SETD2: variants seen among roughly 807,000 people sequenced by gnomAD.
SETD2 encodes histone-lysine N-methyltransferase SETD2.
Under a neutral mutation model 242.1 loss-of-function variants are expected in SETD2, and 31 were observed. That is an observed-to-expected ratio of 0.13 (90% confidence interval 0.10 to 0.17). The LOEUF is 0.17. Ranked by LOEUF, SETD2 falls within the 10% of genes least tolerant of loss-of-function variation. The pLI, the probability that SETD2 is intolerant of heterozygous loss-of-function variation, is 1.00. For synonymous variants in SETD2, 1,006 were observed against 1,066.5 expected (o/e 0.94, Z 1.11); for missense variants, 2,481 against 3,046.3 (o/e 0.81, Z 4.37).
At chr3:47,147,942 T>C (rs1316278190) in intron 1 of SETD2, among the ~76,000 whole-genome samples, 1 of 144,900 alleles carries the variant, frequency 6.9e-6, no homozygotes, top group African/African-American at 2.6e-5. Context: ...AAAAAAAAGA[T>C]ATTTTCTTTC....
At chr3:47,136,987 C>G (rs764068553) in intron 1 of SETD2, among the ~76,000 whole-genome samples, 7 of 152,082 alleles carry the variant, frequency 4.6e-5, no homozygotes, top group Non-Finnish European at 1.0e-4. Context: ...ACAATGTTCA[C>G]TACTATTTGG....
chr3:47,138,835 G>A (rs2043655800), intron 1 of SETD2, among the ~76,000 whole-genome samples: 1 of 152,120 alleles, frequency 6.6e-6, no homozygotes, highest in Non-Finnish European at 1.5e-5. Flanking sequence ...CAAAGTGCTG[G>A]GATTATCATT....
intron 11 of SETD2, among the ~76,000 whole-genome samples, chr3:47,085,258 G>T (rs2041503572): frequency 6.6e-6 from 1 of 152,116 alleles, no homozygotes; most frequent in Non-Finnish European, 1.5e-5. Flanking sequence ...TCCTAAACCT[G>T]GGTAGCTTTT....
intron 1 of SETD2, among the ~76,000 whole-genome samples, chr3:47,148,878 C>T (rs1337243403): frequency 2.6e-5 from 4 of 152,216 alleles, no homozygotes; most frequent in South Asian, 2.1e-4. Flanking sequence ...GCTTGAGTTT[C>T]ATACGGGATT....
At chr3:47,038,581 C>T (rs371160209) in intron 17 of SETD2, among the ~76,000 whole-genome samples, 1 of 152,110 alleles carries the variant, frequency 6.6e-6, no homozygotes, top group East Asian at 1.9e-4. Flanking sequence ...TGCCATTGCA[C>T]TCCAGCCTGG....
intron 3 of SETD2, among the ~76,000 whole-genome samples, chr3:47,117,221 T>C (rs1298413225): frequency 6.7e-6 from 1 of 148,546 alleles, no homozygotes; most frequent in East Asian, 1.9e-4. Flanking sequence ...CATCTAATTA[T>C]TAGTACTTGT....
At chr3:47,046,831 A>T (rs529863312) in intron 15 of SETD2, 1 of 340,604 alleles carries the variant, frequency 2.9e-6, no homozygotes, top group Non-Finnish European at 5.2e-6. Flanking sequence ...ACTTACTTTG[A>T]TTTTACTTTA....
chr3:47,093,472 C>G (rs1281020538), intron 9 of SETD2, among the ~76,000 whole-genome samples: 1 of 151,880 alleles, frequency 6.6e-6, no homozygotes, highest in Admixed American at 6.6e-5. Context: ...TTAGTAGAGA[C>G]AGGGTTTCAT....
intron 9 of SETD2, among the ~76,000 whole-genome samples, chr3:47,088,855 G>T (rs1045588035): frequency 2.0e-5 from 3 of 152,228 alleles, no homozygotes; most frequent in Non-Finnish European, 2.9e-5. Flanking sequence ...GAGAAATTCT[G>T]CACATGTGTA....
At chr3:47,071,488 T>C (rs574713283) in intron 12 of SETD2, among the ~76,000 whole-genome samples, 21 of 152,330 alleles carry the variant, frequency 1.4e-4, no homozygotes, top group African/African-American at 5.1e-4. Flanking sequence ...CCTACGCTTT[T>C]ATCCCTGGAA....
intron 1 of SETD2, chr3:47,138,352 C>A: frequency 4.7e-6 from 1 of 212,068 alleles, no homozygotes; most frequent in Non-Finnish European, 1.0e-5. Context: ...TCACTGCAAC[C>A]TCCACCTCCT....
intron 12 of SETD2, among the ~76,000 whole-genome samples, chr3:47,070,194 A>G (rs2040760471): frequency 6.6e-6 from 1 of 152,230 alleles, no homozygotes; most frequent in Non-Finnish European, 1.5e-5. Context: ...CTTCTCAAAG[A>G]TAAATTCTTA....
chr3:47,147,240 T>C (rs1398963687), intron 1 of SETD2, among the ~76,000 whole-genome samples: 3 of 151,904 alleles, frequency 2.0e-5, no homozygotes, highest in Non-Finnish European at 4.4e-5. Flanking sequence ...CTCGAATTCC[T>C]GACCTCAGGT....
At chr3:47,087,255 C>A (rs961172784) in intron 10 of SETD2, among the ~76,000 whole-genome samples, 1 of 149,912 alleles carries the variant, frequency 6.7e-6, no homozygotes, top group Non-Finnish European at 1.5e-5. Flanking sequence ...AGACAGAAAG[C>A]AAACCAGGTC....
rs1184312119 is a variant in SETD2, at chr3:47,164,026, C to T, written c.-102G>A. 3 of 1,217,236 alleles carry T rather than the reference C, an allele frequency of 2.5e-6. No homozygotes were observed. Among genetic ancestry groups the T allele is most frequent in the Non-Finnish European group, 3.1e-6 (3 of 972,024 alleles). The allele number at this position is 1,217,236 out of a possible 1,614,324, so 75.4% of individuals were successfully genotyped here. On this transcript the variant is annotated 5_prime_UTR_variant, in exon 1 of 21. Transcript: ENST00000409792. This position sits in a 1 kb window ranked among gnomAD's most constrained non-coding sequence, Gnocchi z 5.4. ...GCAGGTCCGACCGCGGCGGCGGCGG[C>T]GGCGGCGGCGGCGGCGGCAGGGGCG...
intron 5 of SETD2, among the ~76,000 whole-genome samples, chr3:47,113,337 T>C (rs1191881122): frequency 6.6e-6 from 1 of 152,176 alleles, no homozygotes; most frequent in Non-Finnish European, 1.5e-5. Context: ...TCTTTTTATA[T>C]AGCTTCATAG....
In SETD2 at chr3:47,037,622, G is replaced by A. The variant is rs6768722; in HGVS notation, c.7350+44C>T. 0.61 allele frequency: 887,370 copies of A among 1,448,912 alleles called. 274,318 individuals carry two copies. The highest frequency in any genetic ancestry group is 0.76 in the African/African-American group (54,385 of 71,754). 89.8% of individuals were successfully genotyped at this position (1,448,912 alleles called of 1,614,324 possible). ...AAGACCATGCGGGATGGTCTTGGAC[G>A]GACTCCCAAATGATCAGGAAATACA... On this transcript the variant is annotated intron_variant, in intron 18 of 20. Coordinates refer to ENST00000409792, the MANE Select transcript of SETD2 (RefSeq NM_014159.7).
intron 17 of SETD2, 139 bp downstream of exon 17, chr3:47,042,422 G>A (rs2039324023): frequency 1.3e-6 from 1 of 743,308 alleles, no homozygotes; most frequent in Non-Finnish European, 2.3e-6. Flanking sequence ...CTTAAGATGT[G>A]ATTCTGGAAA....
intron 18 of SETD2, among the ~76,000 whole-genome samples, chr3:47,020,672 G>A (rs144967879): frequency 3.3e-5 from 5 of 152,236 alleles, no homozygotes; most frequent in African/African-American, 7.2e-5. Context: ...GCTTTTCCAC[G>A]GAAAATAATA....
Sources: gnomAD v4.1 joint callset for allele counts (sites outside exome capture counted in the v4.1 genomes callset) on GRCh38, gnomAD v4.1.1 for gene constraint, Gnocchi (gnomAD v3.1) non-coding constraint, MANE v1.5 for transcripts, NCBI Gene and HGNC (gene_info 2026-07-23, HGNC 2026-07-21) for gene names.